The following HHIP variants were observed in gnomAD, a reference collection of about 807,000 sequenced individuals.
HHIP encodes the protein hedgehog-interacting protein.
Under a neutral mutation model 74.0 loss-of-function variants are expected in HHIP, and 12 were observed. That is an observed-to-expected ratio of 0.16 (90% CI 0.10 to 0.26). HHIP has a LOEUF of 0.26. Ranked by LOEUF, HHIP falls within the 10% of genes least tolerant of loss-of-function variation. The pLI is 1.00. For missense variants in HHIP, 788 were observed against 845.0 expected, an observed-to-expected ratio of 0.93 and a Z score of 0.84; for synonymous variants, 309 against 311.6, an observed-to-expected ratio of 0.99 and a Z score of 0.09.
chr4:144,669,594 T>A (rs571277746), intron 4 of HHIP, among the ~76,000 whole-genome samples: 16 of 152,170 alleles, frequency 1.1e-4, no homozygotes, highest in South Asian at 2.1e-4. Flanking sequence ...TATGTGCTAA[T>A]TACTCTATCA....
Position 144,646,863 on chromosome 4 carries a change from G to A in HHIP, c.188G>A (p.Ser63Asn). Residue 63 changes from serine to asparagine, a missense_variant, in exon 1 of 13, where the codon AGT (serine) becomes AAT (asparagine). Physicochemically the swap from Ser to Asn is conservative, Grantham distance 46. Transcript: ENST00000296575. ...ATGATGTCCCAGCTGGAGCTGCTGA[G>A]TGGGGGAGAGATGCTGTGCGGTGGC... ...RRMMSQLELL[S>N]GGEMLCGGFY... The A allele has an allele frequency of 6.2e-7, 1 of 1,614,220 alleles. No individual in the cohort carries two copies. The highest frequency in any genetic ancestry group is 1.1e-5 in the South Asian group (1 of 91,084).
intron 4 of HHIP, among the ~76,000 whole-genome samples, chr4:144,690,563 C>T (rs1409514964): frequency 6.6e-6 from 1 of 152,066 alleles, no homozygotes; most frequent in Non-Finnish European, 1.5e-5. Context: ...GATATGAAAG[C>T]CAAGAGAGCA....
At chr4:144,672,941 C>T (rs1729081022) in intron 4 of HHIP, among the ~76,000 whole-genome samples, 1 of 152,220 alleles carries the variant, frequency 6.6e-6, no homozygotes, top group Admixed American at 6.5e-5. Context: ...AGGTGATTCG[C>T]CCGCCTCAGC....
intron 4 of HHIP, among the ~76,000 whole-genome samples, chr4:144,665,746 C>T (rs1164915045): frequency 6.6e-6 from 1 of 152,148 alleles, no homozygotes; most frequent in Non-Finnish European, 1.5e-5. Flanking sequence ...GCAGTTTAAT[C>T]TGTAGTTTAT....
At position 144,743,000 on chromosome 4, in the gene HHIP, TATATATATATTATATATATATA is replaced by T. The variant is rs1731305152; in HGVS notation, c.*5052_*5073del. 2.3e-4 allele frequency: 1 copy of T among 4,316 alleles called. No individual in the cohort carries two copies. The highest frequency in any genetic ancestry group is 3.8e-4 in the Non-Finnish European group (1 of 2,602). 0.3% of individuals were successfully genotyped at this position (4,316 alleles called of 1,614,324 possible). ...ATATATATACATTATATATATATAA[TATATATATATTATATATATATA>T]ATATATATCTTATATATATATATAT... On this transcript the variant is annotated 3_prime_UTR_variant, in exon 13 of 13. Coordinates refer to ENST00000296575, the MANE Select transcript of HHIP (RefSeq NM_022475.3).
chr4:144,711,497 G>A (rs1730302529), intron 7 of HHIP, among the ~76,000 whole-genome samples: 1 of 151,438 alleles, frequency 6.6e-6, no homozygotes, highest in African/African-American at 2.4e-5. Context: ...CCTGCACCCC[G>A]CCCCCCAACA....
chr4:144,666,628 G>A (rs1213940011), intron 4 of HHIP, among the ~76,000 whole-genome samples: 3 of 152,180 alleles, frequency 2.0e-5, no homozygotes, highest in African/African-American at 7.2e-5. Context: ...AGGGTGCTAA[G>A]CTGCTAAATG....
intron 10 of HHIP, among the ~76,000 whole-genome samples, chr4:144,715,856 A>ATTTCTTT (rs371665219): frequency 2.0e-5 from 3 of 152,168 alleles, no homozygotes; most frequent in Non-Finnish European, 4.4e-5. Flanking sequence ...CTTACCCGCT[A>ATTTCTTT]TTTCTTTTTT....
At chr4:144,653,544 G>T (rs981262270) in intron 2 of HHIP, among the ~76,000 whole-genome samples, 1 of 152,028 alleles carries the variant, frequency 6.6e-6, no homozygotes, top group Non-Finnish European at 1.5e-5. Flanking sequence ...AATTTTGGTT[G>T]CTGTTGCTTT....
At chr4:144,736,964 A>G (rs778804826) in intron 12 of HHIP, among the ~76,000 whole-genome samples, 1 of 152,226 alleles carries the variant, frequency 6.6e-6, no homozygotes, top group Non-Finnish European at 1.5e-5. Flanking sequence ...AAGGAAATGT[A>G]TTGAAGGAAT....
chr4:144,744,081 T>C lies in HHIP; in HGVS notation c.*6124T>C, dbSNP rs892826770. The C allele has an allele frequency of 1.3e-5, 2 of 152,274 alleles. No individual in the cohort carries two copies. Among genetic ancestry groups the C allele is most frequent in the South Asian group, 2.1e-4 (1 of 4,824 alleles). The allele number at this position is 152,274 out of a possible 1,614,324, so 9.4% of individuals were successfully genotyped here. On this transcript the variant is annotated 3_prime_UTR_variant, in exon 13 of 13. Transcript: ENST00000296575. ...CTTATCTCATTATATTCACAGCATA[T>C]GTTTGGACATGCGTTTCACCAAGAA...
intron 8 of HHIP, among the ~76,000 whole-genome samples, 175 bp from the exon 9 acceptor site, chr4:144,714,050 T>A (rs1021777944): frequency 6.6e-6 from 1 of 152,224 alleles, no homozygotes; most frequent in African/African-American, 2.4e-5. Flanking sequence ...TGTCCTTTAA[T>A]GTTGATACTA....
At chr4:144,675,619 A>T (rs1319135889) in intron 4 of HHIP, among the ~76,000 whole-genome samples, 2 of 152,122 alleles carry the variant, frequency 1.3e-5, no homozygotes, top group Non-Finnish European at 2.9e-5. Context: ...AAAATAGTTC[A>T]TGGCTCAGTT....
chr4:144,683,320 A>C (rs193081327), intron 4 of HHIP, among the ~76,000 whole-genome samples: 22 of 152,328 alleles, frequency 1.4e-4, no homozygotes, highest in African/African-American at 4.8e-4. Flanking sequence ...ATTTTTATAT[A>C]AGAAATAAAT....
intron 4 of HHIP, among the ~76,000 whole-genome samples, chr4:144,705,558 G>T (rs1018990803): frequency 1.3e-5 from 2 of 152,050 alleles, no homozygotes; most frequent in African/African-American, 4.8e-5. Flanking sequence ...TGAACTTTAA[G>T]GCTCTGATCT....
intron 7 of HHIP, among the ~76,000 whole-genome samples, chr4:144,710,574 C>T (rs1158307589): frequency 6.6e-6 from 1 of 152,164 alleles, no homozygotes; most frequent in African/African-American, 2.4e-5. Flanking sequence ...TCTTTATTAG[C>T]TCCAATGGTT....
intron 4 of HHIP, among the ~76,000 whole-genome samples, chr4:144,692,916 T>C (rs1729714450): frequency 6.6e-6 from 1 of 151,830 alleles, no homozygotes; most frequent in South Asian, 2.1e-4. Context: ...CAAAGCAAGG[T>C]AGTCTGGATC....
chr4:144,676,458 T>G (rs1459879103), intron 4 of HHIP, among the ~76,000 whole-genome samples: 1 of 152,244 alleles, frequency 6.6e-6, no homozygotes, highest in Non-Finnish European at 1.5e-5. Flanking sequence ...TGTTTGTTTT[T>G]GTTTGGTCAA....
chr4:144,711,893 T>C (rs1730315197), intron 7 of HHIP, 57 bp from the exon 8 acceptor site: 1 of 1,555,212 alleles, frequency 6.4e-7, no homozygotes, highest in Non-Finnish European at 8.7e-7. Flanking sequence ...GAATCTCCAG[T>C]CTGAGCTTGG....
Sources: gnomAD v4.1 joint callset for allele counts (sites outside exome capture counted in the v4.1 genomes callset) on GRCh38, gnomAD v4.1.1 for gene constraint, MANE v1.5 for transcripts, NCBI Gene and HGNC (gene_info 2026-07-23, HGNC 2026-07-21) for gene names.